SYT16: variants seen among roughly 807,000 people sequenced by gnomAD.
The protein encoded by SYT16 is synaptotagmin-16.
Under a neutral mutation model 61.4 loss-of-function variants are expected in SYT16, and 42 were observed. That is an observed-to-expected ratio of 0.68 (90% confidence interval 0.53 to 0.89). SYT16 has a LOEUF of 0.89. Ranked by LOEUF, SYT16 falls within the 40% of genes least tolerant of loss-of-function variation. The probability of loss-of-function intolerance (pLI) is 0.00; values close to 1 mark genes in which losing one functional copy is unlikely to be tolerated. For synonymous variants in SYT16, 314 were observed against 302.3 expected (o/e 1.04, Z -0.40); for missense variants, 804 against 807.3 (o/e 1.00, Z 0.05).
chr14:62,008,791 C>A (rs1202573445), intron 3 of SYT16, among the ~76,000 whole-genome samples: 2 of 151,974 alleles, frequency 1.3e-5, no homozygotes, highest in African/African-American at 4.8e-5. Flanking sequence ...TATGCAGATA[C>A]ATGTAGATTT....
intron 2 of SYT16, among the ~76,000 whole-genome samples, chr14:61,975,509 G>C (rs762109306): frequency 1.3e-5 from 2 of 152,188 alleles, no homozygotes; most frequent in Non-Finnish European, 2.9e-5. Flanking sequence ...TGGATGGTGA[G>C]GGGGAGACAG....
intron 1 of SYT16, among the ~76,000 whole-genome samples, chr14:61,891,731 G>A (rs2048137999): frequency 6.6e-6 from 1 of 152,154 alleles, no homozygotes; most frequent in African/African-American, 2.4e-5. Context: ...ATAACCTTAG[G>A]CTAGGATCCT....
At chr14:62,011,669 A>T (rs2053454721) in intron 3 of SYT16, among the ~76,000 whole-genome samples, 1 of 151,884 alleles carries the variant, frequency 6.6e-6, no homozygotes. Flanking sequence ...GGTGTCAAAA[A>T]ACCCCACAGC....
At position 62,100,618 on chromosome 14, in the gene SYT16, A is replaced by G. The variant is rs769941155; in HGVS notation, c.1849A>G (p.Ser617Gly). The part of the protein sequence containing the change: ...IGWIALGQNS[S>G]GEEEQDHWEE... Reference sequence around the variant, plus strand: ...CTGGATTGCCCTGGGCCAGAACAGCAGTGGAGAGGAGGAACAAGATCACTG... The same window carrying G: ...CTGGATTGCCCTGGGCCAGAACAGCGGTGGAGAGGAGGAACAAGATCACTG... Residue 617 changes from serine (S) to glycine (G), a missense_variant, in exon 8 of 8, where the codon AGT (serine) becomes GGT (glycine). Physicochemically the swap from Ser to Gly is moderately conservative, Grantham distance 56. Transcript: ENST00000683842. 46 of 1,613,724 alleles carry G rather than the reference A, an allele frequency of 2.9e-5. No homozygotes were observed. The Admixed American group carries it at 7.7e-4, about 27-fold the overall frequency.
Position 61,879,171 on chromosome 14 carries a change from G to T in SYT16, c.-325+66361G>T, listed in dbSNP as rs572678900. Among the ~76,000 whole-genome samples the T allele has an allele frequency of 5.8e-4, 88 of 152,128 alleles. 1 individual carries two copies. Among genetic ancestry groups the T allele is most frequent in the African/African-American group, 2.1e-3 (88 of 41,478 alleles). On this transcript the variant is annotated intron_variant, in intron 1 of 7. Transcript: ENST00000683842. ...AAGGAAGAGGGCCAGCCATATCCCA[G>T]CTTGGAATACGACCAAAGCAGCCAG... is the stretch of plus-strand genomic sequence containing the variant.
intron 1 of SYT16, among the ~76,000 whole-genome samples, chr14:61,847,671 T>A (rs2046484658): frequency 6.6e-6 from 1 of 152,200 alleles, no homozygotes; most frequent in South Asian, 2.1e-4. Flanking sequence ...TCTTTCCATC[T>A]CCTCTTTATG....
intron 1 of SYT16, among the ~76,000 whole-genome samples, chr14:61,884,125 A>G (rs1430534121): frequency 1.3e-5 from 2 of 152,188 alleles, no homozygotes; most frequent in African/African-American, 4.8e-5. Flanking sequence ...CTCTACAACT[A>G]CACACCCATC....
chr14:62,059,762 G>A (rs1199499716), intron 3 of SYT16, among the ~76,000 whole-genome samples: 1 of 122,888 alleles, frequency 8.1e-6, no homozygotes, highest in African/African-American at 3.9e-5. Flanking sequence ...ATATATATGT[G>A]TATATGTATA....
chr14:62,045,902 G>A (rs1196027009), intron 3 of SYT16, among the ~76,000 whole-genome samples: 29 of 152,228 alleles, frequency 1.9e-4, no homozygotes, highest in African/African-American at 3.6e-4. Context: ...GAATAGTGCC[G>A]CAATAAACAT....
At chr14:61,835,249 A>C (rs61994396) in intron 1 of SYT16, among the ~76,000 whole-genome samples, 2 of 131,534 alleles carry the variant, frequency 1.5e-5, no homozygotes, top group Non-Finnish European at 3.2e-5. Context: ...ATGAAAGGTG[A>C]ATTTTTTTTT....
At chr14:61,885,396 T>C (rs912407074) in intron 1 of SYT16, among the ~76,000 whole-genome samples, 6 of 152,120 alleles carry the variant, frequency 3.9e-5, no homozygotes, top group Admixed American at 2.0e-4. Context: ...ATGATGATGA[T>C]GATGATGATG....
At chr14:61,961,671 A>C (rs942120819) in intron 1 of SYT16, among the ~76,000 whole-genome samples, 4 of 152,210 alleles carry the variant, frequency 2.6e-5, no homozygotes, top group Non-Finnish European at 5.9e-5. Flanking sequence ...GCTGGTGGGA[A>C]TGTAAATTAG....
intron 7 of SYT16, among the ~76,000 whole-genome samples, chr14:62,089,546 A>G (rs2057003745): frequency 6.6e-6 from 1 of 152,226 alleles, no homozygotes. Flanking sequence ...CTAAGAAGAT[A>G]AAATAGGCTA....
At position 62,100,737 on chromosome 14, in the gene SYT16, C is replaced by G. The variant is rs1458818724; in HGVS notation, c.*30C>G. 4 of 1,592,288 alleles carry G rather than the reference C, an allele frequency of 2.5e-6. No homozygotes were observed. The South Asian group carries it at 4.6e-5, about 18-fold the overall frequency. On this transcript the variant is annotated 3_prime_UTR_variant, in exon 8 of 8. Transcript: ENST00000683842. Reference sequence around the variant, plus strand: ...GCTAACCTGCATTTGTGTGCTGTGTCCACCTTGGTTACCTGTGTTGCTGTC... The same window carrying G: ...GCTAACCTGCATTTGTGTGCTGTGTGCACCTTGGTTACCTGTGTTGCTGTC...
chr14:62,007,816 T>A lies in SYT16; in HGVS notation c.523+11274T>A, dbSNP rs186838928. Among the ~76,000 whole-genome samples, 81 of 152,186 alleles carry A rather than the reference T, an allele frequency of 5.3e-4. 1 individual carries two copies. The highest frequency in any genetic ancestry group is 3.4e-3 in the Middle Eastern group (1 of 294). On this transcript the variant is annotated intron_variant, in intron 3 of 7. Coordinates refer to ENST00000683842, the MANE Select transcript of SYT16 (RefSeq NM_001367656.1). Reference sequence around the variant, plus strand: ...ATAATTAGGAATGGATTAGAGGAATTAGAGGCAAGTTATCCTCCAGATAAG... The same window carrying A: ...ATAATTAGGAATGGATTAGAGGAATAAGAGGCAAGTTATCCTCCAGATAAG...
intron 4 of SYT16, among the ~76,000 whole-genome samples, chr14:62,074,294 G>T (rs8016117): frequency 0.51 from 76,933 of 151,836 alleles, 20,994 homozygotes; most frequent in African/African-American, 0.72. Context: ...TCAGGAGTTG[G>T]TGGTGCTTTG....
chr14:62,042,394 G>A (rs1829441165), intron 3 of SYT16, among the ~76,000 whole-genome samples: 2 of 152,182 alleles, frequency 1.3e-5, no homozygotes, highest in South Asian at 4.1e-4. Context: ...CCAGGATGTT[G>A]TTAAGTTATA....
At chr14:61,971,377 G>T (rs1020892603) in intron 2 of SYT16, among the ~76,000 whole-genome samples, 2 of 132,820 alleles carry the variant, frequency 1.5e-5, no homozygotes, top group Non-Finnish European at 3.6e-5. Context: ...CAAGGCTTCA[G>T]TTAGAATGTC....
chr14:61,948,151 A>G (rs1253370324), intron 1 of SYT16, among the ~76,000 whole-genome samples: 1 of 152,150 alleles, frequency 6.6e-6, no homozygotes, highest in East Asian at 1.9e-4. Context: ...GTATAACCAT[A>G]TCTGTGGCTC....
Sources: allele counts gnomAD v4.1 joint callset (sites outside exome capture counted in the v4.1 genomes callset), GRCh38; gene constraint gnomAD v4.1.1; transcripts MANE v1.5; gene names NCBI Gene and HGNC (gene_info 2026-07-23, HGNC 2026-07-21).